Variants in BCL11A observed in about 807,000 individuals in gnomAD.
BCL11A encodes BCL11 transcription factor A.
A neutral mutation model predicts 55.9 loss-of-function variants in BCL11A; 2 were observed. The observed-to-expected ratio is 0.04, with a 90% CI of 0.01 to 0.11. BCL11A has a LOEUF of 0.11. Ranked by LOEUF, BCL11A falls within the 10% of genes least tolerant of loss-of-function variation. The pLI is 1.00. For synonymous variants in BCL11A, 465 were observed against 473.4 expected (o/e 0.98, Z 0.23); for missense variants, 817 against 1,137.1 (o/e 0.72, Z 4.05).
rs1459744185 is a variant in BCL11A, at chr2:60,457,394, T to G, written c.*3010A>C. ...AAAAAAAAATAAAAACAAAGAAAAA[T>G]AAAAGATCAAATTAAGTGCCTCTGT... On this transcript the variant is annotated 3_prime_UTR_variant, in exon 4 of 4. Transcript: ENST00000642384. The G allele has an allele frequency of 9.8e-7, 1 of 1,023,082 alleles. No individual in the cohort carries two copies. Among genetic ancestry groups the G allele is most frequent in the Non-Finnish European group, 1.2e-6 (1 of 851,160 alleles). The allele number at this position is 1,023,082 out of a possible 1,614,324, so 63.4% of individuals were successfully genotyped here.
chr2:60,462,699 A>C (rs889458403), intron 3 of BCL11A, among the ~76,000 whole-genome samples: 11 of 152,214 alleles, frequency 7.2e-5, no homozygotes, highest in Admixed American at 7.2e-4. Flanking sequence ...CTTGAGGATG[A>C]AGGTCCCTAC....
intron 1 of BCL11A, among the ~76,000 whole-genome samples, chr2:60,552,418 C>A (rs1670450258): frequency 6.6e-6 from 1 of 152,094 alleles, no homozygotes; most frequent in South Asian, 2.1e-4. Flanking sequence ...TAGCTCCTGC[C>A]CTTCGGCGGC....
In BCL11A at chr2:60,468,464, C is replaced by T. The variant is rs1044867260; in HGVS notation, c.487+268G>A. On this transcript the variant is annotated intron_variant, in intron 3 of 3. Transcript: ENST00000642384. ...CACAGGCATCTTCAATCACTAGCCA[C>T]GGAGCAAGACAAGACCCTGGGGAGA... 3.3e-5 allele frequency among the ~76,000 whole-genome samples: 5 copies of T among 152,120 alleles called. No individual in the cohort carries two copies. In the Middle Eastern group the frequency reaches 0.01, roughly 310 times the overall value.
At chr2:60,481,329 G>A (rs778383172) in intron 2 of BCL11A, among the ~76,000 whole-genome samples, 28 of 152,050 alleles carry the variant, frequency 1.8e-4, no homozygotes, top group Non-Finnish European at 3.2e-4. Context: ...CAAAAATGAA[G>A]CAGGGATCCT....
At chr2:60,539,215 T>C (rs1669809149) in intron 2 of BCL11A, among the ~76,000 whole-genome samples, 2 of 152,246 alleles carry the variant, frequency 1.3e-5, no homozygotes, top group Admixed American at 1.3e-4. Context: ...GAAGCATTAA[T>C]ATTCCAGCTC....
At chr2:60,516,589 A>G (rs1013739204) in intron 2 of BCL11A, among the ~76,000 whole-genome samples, 25 of 152,210 alleles carry the variant, frequency 1.6e-4, no homozygotes, top group African/African-American at 6.0e-4. Flanking sequence ...TCGTGTCAGG[A>G]GTGGAGAGCT....
At chr2:60,473,277 A>G (rs1374576700) in intron 2 of BCL11A, among the ~76,000 whole-genome samples, 2 of 150,692 alleles carry the variant, frequency 1.3e-5, no homozygotes, top group Non-Finnish European at 2.9e-5. Flanking sequence ...GCACAAAAGC[A>G]GTAGAGCTGT....
intron 2 of BCL11A, among the ~76,000 whole-genome samples, chr2:60,488,789 C>T (rs1048440171): frequency 6.6e-6 from 1 of 152,038 alleles, no homozygotes; most frequent in Admixed American, 6.5e-5. Context: ...GGTGGAGTTT[C>T]GCTCTTGTTG....
Position 60,459,892 on chromosome 2 carries a change from T to C in BCL11A, c.*512A>G. 3 of 1,052,428 alleles carry C rather than the reference T, an allele frequency of 2.9e-6. No individual in the cohort carries two copies. The highest frequency in any genetic ancestry group is 3.4e-6 in the Non-Finnish European group (3 of 871,058). 65.2% of individuals were successfully genotyped at this position (1,052,428 alleles called of 1,614,324 possible). On this transcript the variant is annotated 3_prime_UTR_variant, in exon 4 of 4. Transcript: ENST00000642384. ...TCCTCCTCACGTTATAAAATAAAAC[T>C]GTACATGATATGTATTACAGAATGT...
Position 60,472,982 on chromosome 2 carries a change from C to CGT in BCL11A, c.386-4151_386-4150dup, listed in dbSNP as rs1000447840. The stretch of plus-strand genomic sequence containing the variant: ...GATGTGTGCTATTCACTAAAATGTA[C>CGT]GTGTGTGTGTGTTTGCAAGCATTTA... On this transcript the variant is annotated intron_variant, in intron 2 of 3. Transcript: ENST00000642384. Among the ~76,000 whole-genome samples the CGT allele has an allele frequency of 1.8e-4, 28 of 152,214 alleles. No homozygotes were observed. The East Asian group carries it at 4.6e-3, about 25-fold the overall frequency.
In BCL11A at chr2:60,461,907, C is replaced by T. The variant is rs1676321228; in HGVS notation, c.1005G>A (p.Arg335=). ...GCAGTAACCTTTGCATAGGGCTGGG[C>T]CGGCCTGGGGACAGCGGTGGGCTAG... The part of the protein sequence containing the change: ...NTSSPPLSPG[R]PSPMQRLLQP... The change falls in exon 4 of 4, where the codon CGG becomes CGA. Residue 335 remains arginine (R), a synonymous_variant. Coordinates refer to ENST00000642384, the MANE Select transcript of BCL11A (RefSeq NM_022893.4). The T allele has an allele frequency of 4.3e-6, 7 of 1,614,140 alleles. No individual in the cohort carries two copies. In the East Asian group the frequency reaches 8.9e-5, roughly 21 times the overall value.
intron 2 of BCL11A, among the ~76,000 whole-genome samples, chr2:60,477,798 A>T (rs7593947): frequency 0.58 from 88,062 of 151,676 alleles, 26,776 homozygotes; most frequent in East Asian, 0.75. Flanking sequence ...CTGACTTATC[A>T]TCCAAGACTG....
At chr2:60,553,174 G>A in intron 1 of BCL11A, 42 bp downstream of exon 1, 1 of 1,569,804 alleles carries the variant, frequency 6.4e-7, no homozygotes, top group Non-Finnish European at 8.6e-7. Context: ...GCGCGCTCTC[G>A]TGATTATTAA....
intron 2 of BCL11A, chr2:60,524,373 G>T (rs758318613): frequency 2.0e-5 from 3 of 152,148 alleles, no homozygotes; most frequent in Non-Finnish European, 2.9e-5. Flanking sequence ...ATAATGGAAG[G>T]GGAAAGTAGA....
At chr2:60,482,648 C>A (rs1226343743) in intron 2 of BCL11A, among the ~76,000 whole-genome samples, 1 of 152,122 alleles carries the variant, frequency 6.6e-6, no homozygotes, top group African/African-American at 2.4e-5. Context: ...TAAGTATCAC[C>A]CAACCCTGAA....
At chr2:60,476,293 C>G (rs1193847406) in intron 2 of BCL11A, among the ~76,000 whole-genome samples, 4 of 152,192 alleles carry the variant, frequency 2.6e-5, no homozygotes, top group African/African-American at 9.7e-5. Context: ...AGGAGGAAAC[C>G]TAGGTGTGTC....
At position 60,457,609 on chromosome 2, in the gene BCL11A, T is replaced by C; in HGVS notation, c.*2795A>G. The C allele has an allele frequency of 9.6e-7, 1 of 1,045,458 alleles. No homozygotes were observed. The highest frequency in any genetic ancestry group is 1.2e-6 in the Non-Finnish European group (1 of 866,710). 64.8% of individuals were successfully genotyped at this position (1,045,458 alleles called of 1,614,324 possible). ...TAATATGCTTTGCATATGAAATTCT[T>C]TCCAATCTAAATATAAAGCACCATT... On this transcript the variant is annotated 3_prime_UTR_variant, in exon 4 of 4. Coordinates refer to ENST00000642384, the MANE Select transcript of BCL11A (RefSeq NM_022893.4).
intron 2 of BCL11A, chr2:60,533,447 G>A (rs189159626): frequency 6.6e-6 from 1 of 152,202 alleles, no homozygotes; most frequent in Non-Finnish European, 1.5e-5. Flanking sequence ...CACAGCCAAC[G>A]CGACTGAAGC....
intron 2 of BCL11A, among the ~76,000 whole-genome samples, chr2:60,511,936 G>T (rs769981780): frequency 1.3e-5 from 2 of 152,182 alleles, no homozygotes; most frequent in Non-Finnish European, 2.9e-5. Flanking sequence ...TCTCACTAAG[G>T]TATCCTCCCA....
Sources: gnomAD v4.1 joint callset for allele counts (sites outside exome capture counted in the v4.1 genomes callset) on GRCh38, gnomAD v4.1.1 for gene constraint, MANE v1.5 for transcripts, NCBI Gene and HGNC (gene_info 2026-07-23, HGNC 2026-07-21) for gene names.